The following LINGO2 variants were observed in gnomAD, a reference collection of about 807,000 sequenced individuals.
LINGO2 encodes the protein leucine-rich repeat and immunoglobulin-like domain-containing nogo receptor-interacting protein 2.
A neutral mutation model predicts 30.6 loss-of-function variants in LINGO2; 14 were observed. The observed-to-expected ratio is 0.46, with a 90% CI of 0.30 to 0.72. LINGO2 has a LOEUF of 0.72. Among genes scored for constraint, LINGO2 ranks in the 30% least tolerant of loss-of-function variants. The pLI is 0.07. For missense variants in LINGO2, 729 were observed against 751.7 expected (o/e 0.97, Z 0.35); for synonymous variants, 317 against 288.5 (o/e 1.10, Z -1.00).
At chr9:28,015,861 G>GA (rs1228635319) in intron 4 of LINGO2, among the ~76,000 whole-genome samples, 1 of 151,962 alleles carries the variant, frequency 6.6e-6, no homozygotes, top group Non-Finnish European at 1.5e-5. Context: ...TATGCACCCT[G>GA]AACTGTGCTG....
intron 4 of LINGO2, among the ~76,000 whole-genome samples, chr9:28,040,831 C>CT (rs1390844661): frequency 2.6e-5 from 4 of 152,118 alleles, no homozygotes; most frequent in Admixed American, 1.3e-4. Flanking sequence ...CCAAAATTCA[C>CT]TTATTTTCCC....
rs1564159302 is a variant in LINGO2, at chr9:28,375,146, C to A, written c.-278-2278G>T. ...CACACACACACACATACACCCCACA[C>A]TAAGCTTCTCTCCACTCCTTTGGCA... On this transcript the variant is annotated intron_variant, in intron 2 of 5. Coordinates refer to ENST00000379992, the Ensembl canonical transcript of LINGO2. 1.2e-4 allele frequency among the ~76,000 whole-genome samples: 18 copies of A among 150,130 alleles called. 1 individual carries two copies. Among genetic ancestry groups the A allele is most frequent in the Non-Finnish European group, 2.7e-4 (18 of 67,488 alleles).
At chr9:28,602,634 T>C (rs575500438) in intron 1 of LINGO2, among the ~76,000 whole-genome samples, 256 of 152,274 alleles carry the variant, frequency 1.7e-3, no homozygotes, top group Non-Finnish European at 2.6e-3. Context: ...GACATACTTA[T>C]AAATGCTTTA....
At chr9:28,263,489 A>AT (rs2134055521) in intron 4 of LINGO2, among the ~76,000 whole-genome samples, 1 of 152,112 alleles carries the variant, frequency 6.6e-6, no homozygotes, top group Non-Finnish European at 1.5e-5. Flanking sequence ...CCATCCTGGA[A>AT]TTCTGCCTAT....
intron 1 of LINGO2, among the ~76,000 whole-genome samples, chr9:28,632,881 T>TAGAGAGAG (rs36101397): frequency 1.3e-4 from 8 of 61,914 alleles, no homozygotes; most frequent in African/African-American, 5.5e-4. Context: ...TATATATATG[T>TAGAGAGAG]AGAGAGAGAG....
chr9:28,004,102 A>G (rs1254856897), intron 5 of LINGO2, among the ~76,000 whole-genome samples: 2 of 152,184 alleles, frequency 1.3e-5, no homozygotes, highest in Non-Finnish European at 2.9e-5. Flanking sequence ...AATTTGTACG[A>G]TATCTGTCTT....
intron 5 of LINGO2, among the ~76,000 whole-genome samples, chr9:28,005,838 C>G (rs956243562): frequency 6.6e-6 from 1 of 151,980 alleles, no homozygotes; most frequent in Admixed American, 6.6e-5. Flanking sequence ...AAGAAAGCAT[C>G]CAAAAATGCA....
At chr9:28,300,302 T>G (rs1036219117) in intron 3 of LINGO2, among the ~76,000 whole-genome samples, 6 of 152,112 alleles carry the variant, frequency 3.9e-5, no homozygotes, top group Non-Finnish European at 1.5e-5. Flanking sequence ...AAATACTCAT[T>G]TGATATCATT....
chr9:28,068,047 G>A (rs1387623635), intron 4 of LINGO2, among the ~76,000 whole-genome samples: 1 of 152,070 alleles, frequency 6.6e-6, no homozygotes, highest in South Asian at 2.1e-4. Context: ...TTAGTTCTCT[G>A]GAATGACTAA....
chr9:28,790,325 C>CTTTTTTTTTTTTTTTTTTTT, the LINGO2 span, among the ~76,000 whole-genome samples: 16 of 106,298 alleles, frequency 1.5e-4, 1 homozygote, highest in African/African-American at 5.4e-4. Flanking sequence ...TCTTTTCTTT[C>CTTTTTTTTTTTTTTTTTTTT]TTTTTTTTTT....
chr9:28,051,198 T>A, intron 4 of LINGO2, among the ~76,000 whole-genome samples: 1 of 151,712 alleles, frequency 6.6e-6, no homozygotes, highest in Admixed American at 6.6e-5. Flanking sequence ...AGGTCATGAC[T>A]ACAACACCAT....
At chr9:28,655,138 A>C (rs1471273278) in intron 1 of LINGO2, among the ~76,000 whole-genome samples, 1 of 152,058 alleles carries the variant, frequency 6.6e-6, no homozygotes, top group African/African-American at 2.4e-5. Context: ...ATAGTGAGTG[A>C]GTTTTCAGAA....
the LINGO2 span, among the ~76,000 whole-genome samples, chr9:28,904,906 C>T: frequency 6.6e-6 from 1 of 151,898 alleles, no homozygotes; most frequent in African/African-American, 2.4e-5. Context: ...AGGAATGAAG[C>T]TTACTGGCAG....
intron 1 of LINGO2, among the ~76,000 whole-genome samples, chr9:28,627,227 G>C (rs1033636693): frequency 1.3e-5 from 2 of 151,920 alleles, no homozygotes; most frequent in African/African-American, 4.8e-5. Context: ...ATTTATGAAG[G>C]TCTCTCTATT....
At chr9:28,480,932 T>C (rs535107388) in intron 1 of LINGO2, among the ~76,000 whole-genome samples, 1 of 152,260 alleles carries the variant, frequency 6.6e-6, no homozygotes, top group East Asian at 1.9e-4. Context: ...CTCAACTAAG[T>C]CATCTGCCTC....
chr9:28,491,813 G>T (rs1314788057), intron 1 of LINGO2, among the ~76,000 whole-genome samples: 1 of 152,096 alleles, frequency 6.6e-6, no homozygotes, highest in Non-Finnish European at 1.5e-5. Flanking sequence ...GCTGAAATGG[G>T]ATTAGAAATA....
At chr9:28,934,553 G>A in the LINGO2 span, among the ~76,000 whole-genome samples, 1 of 152,066 alleles carries the variant, frequency 6.6e-6, no homozygotes, top group Non-Finnish European at 1.5e-5. Flanking sequence ...TTGCAGTAAA[G>A]GAAATACTTT....
chr9:28,249,285 T>G, intron 4 of LINGO2, among the ~76,000 whole-genome samples: 1 of 152,246 alleles, frequency 6.6e-6, no homozygotes, highest in South Asian at 2.1e-4. Flanking sequence ...AAATGTTTAT[T>G]TCTGCTGATG....
At chr9:28,593,984 C>A (rs182789351) in intron 1 of LINGO2, among the ~76,000 whole-genome samples, 21 of 151,890 alleles carry the variant, frequency 1.4e-4, no homozygotes, top group Non-Finnish European at 2.6e-4. Flanking sequence ...ACAATGAACT[C>A]CTTGCTTTCA....
Sources: gnomAD v4.1 joint callset for allele counts (sites outside exome capture counted in the v4.1 genomes callset) on GRCh38, gnomAD v4.1.1 for gene constraint, MANE v1.5 for transcripts, NCBI Gene and HGNC (gene_info 2026-07-23, HGNC 2026-07-21) for gene names.